The following NOP2 variants were observed in gnomAD, a reference collection of about 807,000 sequenced individuals.
NOP2 encodes the protein NOP2 nucleolar protein.
Under a neutral mutation model 72.7 loss-of-function variants are expected in NOP2, and 7 were observed. The observed-to-expected ratio is 0.10, with a 90% CI of 0.05 to 0.18. The LOEUF is 0.18. Ranked by LOEUF, NOP2 falls within the 10% of genes least tolerant of loss-of-function variation. The probability of loss-of-function intolerance (pLI) is 1.00; values close to 1 mark genes in which losing one functional copy is unlikely to be tolerated. For missense variants in NOP2, 954 were observed against 1,014.7 expected (o/e 0.94, Z 0.81); for synonymous variants, 387 against 388.0 (o/e 1.00, Z 0.03).
intron 1 of NOP2, 38 bp from the exon 2 acceptor site, chr12:6,567,960 G>A (rs774632037): frequency 2.6e-6 from 4 of 1,522,540 alleles, no homozygotes; most frequent in South Asian, 1.1e-5. Flanking sequence ...GGCGTCGCGC[G>A]TGTCGGAGGG....
At position 6,566,157 on chromosome 12, in the gene NOP2, T is replaced by C; in HGVS notation, c.418A>G (p.Thr140Ala). ...DLWGSEDDAD[T>A]VDDYGADSNS... is the part of the protein sequence containing the mutation. ...GAGTCAGCTCCATAGTCATCTACCGTATCAGCATCGTCCTCGGAGCCCCAG... is the reference window on the plus strand; with the variant it reads ...GAGTCAGCTCCATAGTCATCTACCGCATCAGCATCGTCCTCGGAGCCCCAG... The change falls in exon 5 of 16, where the codon ACG becomes GCG. Residue 140 changes from threonine to alanine, a missense_variant. Physicochemically the swap from Thr to Ala is moderately conservative, Grantham distance 58. Coordinates refer to ENST00000322166, the MANE Select transcript of NOP2 (RefSeq NM_001258308.2). 1 of 1,613,988 alleles carries C rather than the reference T, an allele frequency of 6.2e-7. No individual in the cohort carries two copies. The highest frequency in any genetic ancestry group is 8.5e-7 in the Non-Finnish European group (1 of 1,179,868).
At chr12:6,562,671 C>T (rs1947680484) in intron 9 of NOP2, among the ~76,000 whole-genome samples, 2 of 152,198 alleles carry the variant, frequency 1.3e-5, no homozygotes, top group African/African-American at 4.8e-5. Context: ...ATATACAACA[C>T]ATATAACCCA....
chr12:6,561,587 T>C, intron 11 of NOP2, 77 bp downstream of exon 11: 1 of 1,568,730 alleles, frequency 6.4e-7, no homozygotes, highest in Non-Finnish European at 8.7e-7. Flanking sequence ...CACTAGTGAG[T>C]CAGCAACCCC....
Position 6,560,978 on chromosome 12 carries a change from C to A in NOP2, c.1300G>T (p.Val434Phe). 6.2e-7 allele frequency: 1 copy of A among 1,613,940 alleles called. No individual in the cohort carries two copies. The highest frequency in any genetic ancestry group is 1.1e-5 in the South Asian group (1 of 91,076). The part of the protein sequence containing the change: ...SVVGNLHRLG[V>F]TNTIISHYDG... Reference sequence around the variant, plus strand: ...TAGTGGCTGATAATGGTGTTGGTGACTCCCAGCCGATGCAAGTTGCCCACA... The same window carrying A: ...TAGTGGCTGATAATGGTGTTGGTGAATCCCAGCCGATGCAAGTTGCCCACA... Residue 434 changes from valine to phenylalanine, a missense_variant, in exon 12 of 16, where the codon GTC (valine) becomes TTC (phenylalanine). This residue lies in a region of NOP2 where 187 missense variants were observed against 276.2 expected (regional missense o/e 0.68). Coordinates refer to ENST00000322166, the MANE Select transcript of NOP2 (RefSeq NM_001258308.2). The surrounding 1 kb of genome is among the most constrained non-coding windows in gnomAD (Gnocchi z 5.0).
At position 6,557,527 on chromosome 12, in the gene NOP2, C is replaced by T; in HGVS notation, c.1905G>A (p.Gln635=). The T allele has an allele frequency of 1.2e-6, 2 of 1,613,902 alleles. No homozygotes were observed. The highest frequency in any genetic ancestry group is 2.2e-5 in the South Asian group (2 of 91,080). ...TCTTGGGATGTTGCTGTTTCTGCAG[C>T]TGCTGCTTTGTCTTTGCAGCCCCCT... ...KAKGAAKTKQ[Q]LQKQQHPKKA... Residue 635 remains glutamine, a synonymous_variant, in exon 16 of 16, where the codon CAG becomes CAA. Transcript: ENST00000322166.
chr12:6,557,204 T>C lies in NOP2; in HGVS notation c.2228A>G (p.Lys743Arg). The change falls in exon 16 of 16, where the codon AAG becomes AGG. Residue 743 changes from lysine (K) to arginine (R), a missense_variant. Around this residue, in one of 3 missense-constraint regions of NOP2, gnomAD observed 269 missense variants for 260.2 expected, o/e 1.03. Transcript: ENST00000322166. ...PSKTQATLKP[K>R]DHHQPLGRAK... ...CCTTCCAAGGGGCTGATGATGGTCC[T>C]TAGGTTTCAGGGTGGCCTGAGTCTT... 6.2e-7 allele frequency: 1 copy of C among 1,614,048 alleles called. No individual in the cohort carries two copies. Among genetic ancestry groups the C allele is most frequent in the Non-Finnish European group, 8.5e-7 (1 of 1,179,892 alleles).
At chr12:6,561,091 G>C (rs1947636722) in intron 11 of NOP2, 21 bp from the exon 12 acceptor site, 5 of 1,612,394 alleles carry the variant, frequency 3.1e-6, no homozygotes, top group Non-Finnish European at 4.2e-6. Flanking sequence ...GGCAGTAACA[G>C]TGCTGATCAG....
chr12:6,563,365 A>G lies in NOP2; in HGVS notation c.838T>C (p.Tyr280His). 3.1e-6 allele frequency: 5 copies of G among 1,603,962 alleles called. No individual in the cohort carries two copies. The highest frequency in any genetic ancestry group is 3.4e-6 in the Non-Finnish European group (4 of 1,175,362). The part of the protein sequence containing the change: ...LKKDLAIYYS[Y>H]GDFLLGKLMD... Reference sequence around the variant, plus strand: ...AGCTTGCCAAGCAGGAAGTCTCCATAGGAGTAGTAAATGGCCAGATCCTTC... The same window carrying G: ...AGCTTGCCAAGCAGGAAGTCTCCATGGGAGTAGTAAATGGCCAGATCCTTC... The change falls in exon 8 of 16, where the codon TAT (tyrosine) becomes CAT (histidine). Residue 280 changes from tyrosine to histidine, a missense_variant. By Grantham distance (83) the Tyr-to-His change is moderately conservative (BLOSUM62 2). Around this residue, in one of 3 missense-constraint regions of NOP2, gnomAD observed 498 missense variants for 478.3 expected, o/e 1.04. Coordinates refer to ENST00000322166, the MANE Select transcript of NOP2 (RefSeq NM_001258308.2).
Position 6,567,933 on chromosome 12 carries a change from C to A in NOP2, c.-4-11G>T. The A allele has an allele frequency of 3.1e-6, 5 of 1,605,454 alleles. No individual in the cohort carries two copies. Among genetic ancestry groups the A allele is most frequent in the Non-Finnish European group, 3.4e-6 (4 of 1,173,440 alleles). On this transcript the variant is annotated splice_polypyrimidine_tract_variant and intron_variant, in intron 1 of 15. Transcript: ENST00000322166. ...TTGCGCCCCATGGTACTGTGGCAGG[C>A]AGAAATGGGAGAAGGTGGCGTCGCG...
chr12:6,563,197 G>A, intron 8 of NOP2, 27 bp from the exon 9 acceptor site: 1 of 1,568,216 alleles, frequency 6.4e-7, no homozygotes, highest in African/African-American at 1.4e-5. Context: ...CAGGGAATAA[G>A]TGAGGCTGGC....
At chr12:6,567,953 G>A in intron 1 of NOP2, 31 bp from the exon 2 acceptor site, 6 of 1,557,972 alleles carry the variant, frequency 3.9e-6, no homozygotes, top group Non-Finnish European at 5.3e-6. Context: ...AGAAGGTGGC[G>A]TCGCGCGTGT....
In NOP2 at chr12:6,563,909, G is replaced by T. The variant is rs749777436; in HGVS notation, c.512C>A (p.Ala171Asp). ...AACTCACCCAGCAGCAGCTTCCCGGGCCTTCTGCTTCCGAGCAGCTCTTTC... is the reference window on the plus strand; with the variant it reads ...AACTCACCCAGCAGCAGCTTCCCGGTCCTTCTGCTTCCGAGCAGCTCTTTC... ...PIERAARKQK[A>D]REAAAGIQWS... The change falls in exon 6 of 16, where the codon GCC (alanine) becomes GAC (aspartate). Residue 171 changes from alanine (A) to aspartate (D), a missense_variant. Coordinates refer to ENST00000322166, the MANE Select transcript of NOP2 (RefSeq NM_001258308.2). 1 of 1,613,600 alleles carries T rather than the reference G, an allele frequency of 6.2e-7. No homozygotes were observed. The highest frequency in any genetic ancestry group is 2.2e-5 in the East Asian group (1 of 44,874).
At chr12:6,568,033 G>GC in intron 1 of NOP2, 111 bp from the exon 2 acceptor site, 1 of 749,328 alleles carries the variant, frequency 1.3e-6, no homozygotes. Flanking sequence ...CTCAGCACCC[G>GC]CAACTCACTC....
At position 6,563,375 on chromosome 12, in the gene NOP2, A is replaced by G. The variant is rs1947697874; in HGVS notation, c.828T>C (p.Ile276=). 6.2e-7 allele frequency: 1 copy of G among 1,604,640 alleles called. No homozygotes were observed. ...YLNRLKKDLA[I]YYSYGDFLLG... is the part of the protein sequence containing the mutation. ...GCAGGAAGTCTCCATAGGAGTAGTA[A>G]ATGGCCAGATCCTTCTTGAGCCGGT... The change falls in exon 8 of 16, where the codon ATT becomes ATC. Residue 276 remains isoleucine, a synonymous_variant. Transcript: ENST00000322166.
In NOP2 at chr12:6,566,003, C is replaced by G. The variant is rs1947769931; in HGVS notation, c.474+98G>C. The G allele has an allele frequency of 3.0e-6, 3 of 1,008,784 alleles. No individual in the cohort carries two copies. In the South Asian group the frequency reaches 4.4e-5, roughly 15 times the overall value. The allele number at this position is 1,008,784 out of a possible 1,614,324, so 62.5% of individuals were successfully genotyped here. A position where few individuals can be genotyped will look rare whatever the true frequency, so the allele number is the denominator to read the frequency against. The stretch of plus-strand genomic sequence containing the variant: ...AGCACAAAAACCCCTTTCCTCTAGT[C>G]AGGCTTATCCTTGCCACTAAGAAAC... On this transcript the variant is annotated intron_variant, in intron 5 of 15. Coordinates refer to ENST00000322166, the MANE Select transcript of NOP2 (RefSeq NM_001258308.2).
chr12:6,560,881 GAGA>G lies in NOP2; in HGVS notation c.1347+47_1347+49del, dbSNP rs781055607. 3.7e-6 allele frequency: 6 copies of G among 1,612,336 alleles called. No homozygotes were observed. The East Asian group carries it at 8.9e-5, about 24-fold the overall frequency. Reference sequence around the variant, plus strand: ...AGTCTAAACATTGAGGTCAGGAAGGGAGAAGGTCAACCGGAAGAAGCCTCAGAA... The same window carrying G: ...AGTCTAAACATTGAGGTCAGGAAGGGAGGTCAACCGGAAGAAGCCTCAGAA... On this transcript the variant is annotated intron_variant, in intron 12 of 15. Transcript: ENST00000322166. The surrounding 1 kb of genome is among the most constrained non-coding windows in gnomAD (Gnocchi z 5.0).
chr12:6,565,329 C>A (rs1476938567), intron 5 of NOP2, among the ~76,000 whole-genome samples: 1 of 151,058 alleles, frequency 6.6e-6, no homozygotes, highest in Admixed American at 6.6e-5. Flanking sequence ...AATTTTTAAA[C>A]CATTTTTTAA....
Position 6,560,740 on chromosome 12 carries a change from G to A in NOP2, c.1395C>T (p.Gly465=). The A allele has an allele frequency of 1.2e-6, 2 of 1,613,512 alleles. No individual in the cohort carries two copies. Among genetic ancestry groups the A allele is most frequent in the Non-Finnish European group, 1.7e-6 (2 of 1,179,752 alleles). ...DRVLLDAPCS[G]TGVISKDPAV... ...CTGGATCCTTGGAGATGACCCCAGTGCCACTGCAGGGAGCATCCAGCAGTA... is the reference window on the plus strand; with the variant it reads ...CTGGATCCTTGGAGATGACCCCAGTACCACTGCAGGGAGCATCCAGCAGTA... Residue 465 remains glycine (G), a synonymous_variant, in exon 13 of 16, where the codon GGC becomes GGT. Coordinates refer to ENST00000322166, the MANE Select transcript of NOP2 (RefSeq NM_001258308.2). This position sits in a 1 kb window ranked among gnomAD's most constrained non-coding sequence, Gnocchi z 5.0.
Position 6,563,704 on chromosome 12 carries a change from G to C in NOP2, c.598C>G (p.Pro200Ala). 2.5e-6 allele frequency: 4 copies of C among 1,613,592 alleles called. No homozygotes were observed. The highest frequency in any genetic ancestry group is 3.4e-6 in the Non-Finnish European group (4 of 1,179,724). ...EEKEVTPESG[P>A]PKVEEADGGL... ...CCATCTGCCTCTTCCACCTTTGGGG[G>C]GCCTGACTCAGGGGTCACTTCTTTC... Residue 200 changes from proline to alanine, a missense_variant, in exon 7 of 16, where the codon CCC becomes GCC. Pro to Ala is a conservative substitution (Grantham distance 27). This residue lies in a region of NOP2 where 498 missense variants were observed against 478.3 expected (regional missense o/e 1.04). Transcript: ENST00000322166.
Sources: allele counts gnomAD v4.1 joint callset (sites outside exome capture counted in the v4.1 genomes callset), GRCh38; gene constraint gnomAD v4.1.1; regional missense constraint gnomAD v4.1.1; non-coding constraint Gnocchi (gnomAD v3.1); transcripts MANE v1.5; gene names NCBI Gene and HGNC (gene_info 2026-07-23, HGNC 2026-07-21).